EFNA5: variants seen among roughly 807,000 people sequenced by gnomAD.
EFNA5 encodes ephrin-A5.
Under a neutral mutation model 22.9 loss-of-function variants are expected in EFNA5, and 5 were observed. That is an observed-to-expected ratio of 0.22 (90% CI 0.11 to 0.46). EFNA5 has a LOEUF of 0.46. Ranked by LOEUF, EFNA5 falls within the 20% of genes least tolerant of loss-of-function variation. The pLI is 0.99. For missense variants in EFNA5, 237 were observed against 293.3 expected, an observed-to-expected ratio of 0.81 and a Z score of 1.40; for synonymous variants, 113 against 112.2, an observed-to-expected ratio of 1.01 and a Z score of -0.04.
At chr5:107,413,843 C>A (rs1748434779) in intron 2 of EFNA5, among the ~76,000 whole-genome samples, 1 of 152,102 alleles carries the variant, frequency 6.6e-6, no homozygotes, top group African/African-American at 2.4e-5. Flanking sequence ...TTTATTATGA[C>A]CATTGTGAAT....
At chr5:107,583,336 A>G (rs1371036060) in intron 1 of EFNA5, among the ~76,000 whole-genome samples, 3 of 152,228 alleles carry the variant, frequency 2.0e-5, no homozygotes, top group Non-Finnish European at 2.9e-5. Context: ...ATTCTGGTTC[A>G]GACTGAAGTA....
At chr5:107,429,713 G>C (rs1282510523) in intron 1 of EFNA5, among the ~76,000 whole-genome samples, 2 of 152,138 alleles carry the variant, frequency 1.3e-5, no homozygotes, top group African/African-American at 4.8e-5. Flanking sequence ...TCAAGCCTTA[G>C]ATAAGGAAAT....
chr5:107,569,260 C>T (rs1461286707), intron 1 of EFNA5, among the ~76,000 whole-genome samples: 1 of 151,314 alleles, frequency 6.6e-6, no homozygotes, highest in Non-Finnish European at 1.5e-5. Context: ...AAAAAAGTAG[C>T]ATCTCCAAAC....
At chr5:107,646,206 G>A (rs1247273686) in intron 1 of EFNA5, among the ~76,000 whole-genome samples, 2 of 152,128 alleles carry the variant, frequency 1.3e-5, no homozygotes, top group African/African-American at 4.8e-5. Context: ...ACTATAGTTA[G>A]TAATATTGTG....
intron 1 of EFNA5, among the ~76,000 whole-genome samples, chr5:107,550,636 T>C (rs1002769539): frequency 1.2e-4 from 19 of 152,204 alleles, no homozygotes; most frequent in African/African-American, 4.6e-4. Context: ...TGAAATAAAA[T>C]GTATGCACTT....
intron 1 of EFNA5, among the ~76,000 whole-genome samples, chr5:107,638,003 C>G (rs554483684): frequency 1.4e-5 from 2 of 142,320 alleles, no homozygotes; most frequent in Non-Finnish European, 3.1e-5. Flanking sequence ...CCTGCCACCA[C>G]GCCTGGCTAA....
At chr5:107,533,471 T>C (rs1747866073) in intron 1 of EFNA5, among the ~76,000 whole-genome samples, 1 of 152,164 alleles carries the variant, frequency 6.6e-6, no homozygotes, top group Non-Finnish European at 1.5e-5. Flanking sequence ...TTTTCAAACC[T>C]TAGCTGTGTC....
intron 1 of EFNA5, among the ~76,000 whole-genome samples, chr5:107,599,095 A>G (rs1169447741): frequency 6.6e-6 from 1 of 152,224 alleles, no homozygotes; most frequent in Non-Finnish European, 1.5e-5. Flanking sequence ...GAAGTCTACG[A>G]GGAAATGGGC....
At chr5:107,643,197 G>T (rs1270790303) in intron 1 of EFNA5, among the ~76,000 whole-genome samples, 1 of 152,142 alleles carries the variant, frequency 6.6e-6, no homozygotes, top group Non-Finnish European at 1.5e-5. Context: ...AATGAAATCA[G>T]AATCTTGCCA....
rs146956891 is a variant in EFNA5 at position 107,402,952 on chromosome 5, A to G, written c.419-15181T>C. On this transcript the variant is annotated intron_variant, in intron 2 of 4. Transcript: ENST00000333274. ...GTCTGGGGATACGTAGGCTACTGCA[A>G]ATAAAACTCTTCTTCTGTCTGTTCA... is the stretch of plus-strand genomic sequence containing the variant. 2.0e-5 allele frequency among the ~76,000 whole-genome samples: 3 copies of G among 152,296 alleles called. No individual in the cohort carries two copies. In the East Asian group the frequency reaches 5.8e-4, roughly 29 times the overall value.
intron 1 of EFNA5, among the ~76,000 whole-genome samples, chr5:107,439,717 A>T (rs1314042134): frequency 6.6e-6 from 1 of 152,208 alleles, no homozygotes; most frequent in Non-Finnish European, 1.5e-5. Flanking sequence ...AACTCATGGC[A>T]CTACAAAAAC....
At chr5:107,453,230 A>G (rs552241153) in intron 1 of EFNA5, among the ~76,000 whole-genome samples, 1 of 151,130 alleles carries the variant, frequency 6.6e-6, no homozygotes. Flanking sequence ...CTATTTAGAC[A>G]TATTAGATAT....
At chr5:107,521,683 C>G (rs1747603481) in intron 1 of EFNA5, among the ~76,000 whole-genome samples, 1 of 152,132 alleles carries the variant, frequency 6.6e-6, no homozygotes, top group East Asian at 1.9e-4. Context: ...GTGACAGATA[C>G]TGTACTGCAT....
At chr5:107,464,429 T>C (rs1749922078) in intron 1 of EFNA5, among the ~76,000 whole-genome samples, 1 of 152,176 alleles carries the variant, frequency 6.6e-6, no homozygotes, top group Non-Finnish European at 1.5e-5. Context: ...ATGGAGGTGA[T>C]GCTGCTGCTT....
chr5:107,405,384 A>C (rs1487435793), intron 2 of EFNA5, among the ~76,000 whole-genome samples: 1 of 152,242 alleles, frequency 6.6e-6, no homozygotes, highest in Non-Finnish European at 1.5e-5. Context: ...TTACATACAG[A>C]CATTCCAGGG....
chr5:107,589,603 A>G (rs1749274925), intron 1 of EFNA5, among the ~76,000 whole-genome samples: 1 of 152,214 alleles, frequency 6.6e-6, no homozygotes. Flanking sequence ...TGAATGAAGC[A>G]TCCACCAACT....
chr5:107,503,665 G>A (rs1299047910), intron 1 of EFNA5, among the ~76,000 whole-genome samples: 3 of 152,098 alleles, frequency 2.0e-5, no homozygotes, highest in African/African-American at 4.8e-5. Flanking sequence ...GGCAAAATAT[G>A]TAAAAGCACT....
chr5:107,669,999 G>A (rs1260056577), intron 1 of EFNA5, among the ~76,000 whole-genome samples: 1 of 147,624 alleles, frequency 6.8e-6, no homozygotes, highest in Admixed American at 6.8e-5. Context: ...CTCTCTGCGC[G>A]CACCGGGAAA....
chr5:107,442,480 C>A (rs893071666), intron 1 of EFNA5, among the ~76,000 whole-genome samples: 2 of 152,106 alleles, frequency 1.3e-5, no homozygotes, highest in African/African-American at 4.8e-5. Context: ...TCCCCTCAAC[C>A]CTGCCCTGTA....
Sources: allele counts gnomAD v4.1 joint callset (sites outside exome capture counted in the v4.1 genomes callset), GRCh38; gene constraint gnomAD v4.1.1; transcripts MANE v1.5; gene names NCBI Gene and HGNC (gene_info 2026-07-23, HGNC 2026-07-21).